PCSK6: variants seen among roughly 807,000 people sequenced by gnomAD.
The protein encoded by PCSK6 is proprotein convertase subtilisin/kexin type 6.
In PCSK6, 85 loss-of-function variants were observed where a neutral mutation model predicts 123.3. The observed-to-expected ratio is 0.69, with a 90% confidence interval of 0.58 to 0.83. PCSK6 has a LOEUF of 0.83. Among genes scored for constraint, PCSK6 ranks in the 40% least tolerant of loss-of-function variants. PCSK6 has a pLI of 0.00. For synonymous variants in PCSK6, 508 were observed against 516.0 expected (o/e 0.98, Z 0.21); for missense variants, 1,191 against 1,282.3 (o/e 0.93, Z 1.09).
At chr15:101,373,250 T>C (rs1596251011) in intron 11 of PCSK6, among the ~76,000 whole-genome samples, 1 of 152,050 alleles carries the variant, frequency 6.6e-6, no homozygotes, top group African/African-American at 2.4e-5. Context: ...ACCCAGCTCC[T>C]GCAGGAGTTA....
chr15:101,322,675 AG>A, intron 17 of PCSK6, 68 bp from the exon 18 acceptor site: 1 of 1,002,202 alleles, frequency 1.0e-6, no homozygotes, highest in Non-Finnish European at 1.6e-6. Context: ...CTGGGCAAGC[AG>A]GCCCCCGGCA....
intron 11 of PCSK6, among the ~76,000 whole-genome samples, chr15:101,381,493 TA>T (rs1220850031): frequency 1.3e-5 from 2 of 152,100 alleles, no homozygotes; most frequent in Non-Finnish European, 2.9e-5. Context: ...CGAGCCTTGT[TA>T]AAAAAATCCC....
chr15:101,384,285 G>A (rs745991370), intron 10 of PCSK6, 37 bp downstream of exon 10: 4 of 1,606,364 alleles, frequency 2.5e-6, no homozygotes, highest in Non-Finnish European at 3.4e-6. Context: ...CACATTCCAG[G>A]GCCACCCAAT....
intron 13 of PCSK6, among the ~76,000 whole-genome samples, chr15:101,333,408 A>G (rs2040410591): frequency 6.6e-6 from 1 of 152,314 alleles, no homozygotes; most frequent in Non-Finnish European, 1.5e-5. Context: ...CTGCGACCCA[A>G]GCTGGGGACA....
At chr15:101,437,254 G>A (rs1289211132) in intron 2 of PCSK6, among the ~76,000 whole-genome samples, 2 of 152,200 alleles carry the variant, frequency 1.3e-5, no homozygotes, top group Admixed American at 1.3e-4. Flanking sequence ...GGGCCATCGT[G>A]ACAAGTGAGA....
intron 13 of PCSK6, among the ~76,000 whole-genome samples, chr15:101,339,179 T>C (rs2040546694): frequency 6.6e-6 from 1 of 152,222 alleles, no homozygotes; most frequent in African/African-American, 2.4e-5. Context: ...TCTATTAGAT[T>C]AAGGACTCTG....
At chr15:101,342,712 G>T (rs1024033061) in intron 13 of PCSK6, among the ~76,000 whole-genome samples, 4 of 152,200 alleles carry the variant, frequency 2.6e-5, no homozygotes, top group Non-Finnish European at 4.4e-5. Flanking sequence ...GACCAGCCTG[G>T]CCAACATGGC....
intron 17 of PCSK6, among the ~76,000 whole-genome samples, chr15:101,324,085 T>G (rs961756290): frequency 1.3e-5 from 2 of 152,220 alleles, no homozygotes; most frequent in Non-Finnish European, 2.9e-5. Context: ...ACACCTGGCC[T>G]TGCGGCTCTG....
intron 15 of PCSK6, among the ~76,000 whole-genome samples, chr15:101,329,848 A>G (rs2040336964): frequency 6.6e-6 from 1 of 151,992 alleles, no homozygotes; most frequent in Non-Finnish European, 1.5e-5. Flanking sequence ...TCTTGCAGGA[A>G]CCCAAGCTCT....
chr15:101,385,981 G>A (rs192140004), intron 9 of PCSK6, among the ~76,000 whole-genome samples: 10 of 151,968 alleles, frequency 6.6e-5, no homozygotes, highest in African/African-American at 2.2e-4. Context: ...AACATCTCTC[G>A]AGTCCAAGAC....
intron 21 of PCSK6, among the ~76,000 whole-genome samples, chr15:101,306,277 A>G (rs1443474014): frequency 6.6e-6 from 1 of 152,048 alleles, no homozygotes; most frequent in Non-Finnish European, 1.5e-5. Flanking sequence ...TAGATACATA[A>G]CCTGGGCAGG....
At chr15:101,467,418 C>T (rs1164272009) in intron 1 of PCSK6, among the ~76,000 whole-genome samples, 1 of 151,596 alleles carries the variant, frequency 6.6e-6, no homozygotes, top group African/African-American at 2.4e-5. Context: ...ACTACGAGTG[C>T]CCACCACCAC....
At chr15:101,429,590 G>A (rs1030340075) in intron 5 of PCSK6, among the ~76,000 whole-genome samples, 8 of 152,164 alleles carry the variant, frequency 5.3e-5, no homozygotes, top group African/African-American at 1.9e-4. Flanking sequence ...CATTCCTAAG[G>A]TCACAGAGTC....
At chr15:101,365,022 T>G in intron 13 of PCSK6, 1 of 777,432 alleles carries the variant, frequency 1.3e-6, no homozygotes, top group Non-Finnish European at 2.4e-6. Context: ...TCAGTTGATT[T>G]GCAACAGGAG....
At chr15:101,323,594 G>A (rs1244417693) in intron 17 of PCSK6, among the ~76,000 whole-genome samples, 3 of 152,130 alleles carry the variant, frequency 2.0e-5, no homozygotes, top group South Asian at 2.1e-4. Flanking sequence ...TTAGCCGGGC[G>A]TGATGGCGCA....
chr15:101,479,967 T>C (rs888308178), intron 1 of PCSK6, among the ~76,000 whole-genome samples: 1 of 152,196 alleles, frequency 6.6e-6, no homozygotes, highest in African/African-American at 2.4e-5. Context: ...GCAGTGGTCA[T>C]CTCAAGGTGA....
chr15:101,318,264 G>A (rs2040037321), intron 19 of PCSK6, 55 bp downstream of exon 19: 1 of 1,302,794 alleles, frequency 7.7e-7, no homozygotes, highest in African/African-American at 1.5e-5. Context: ...GTTCAAGGCA[G>A]CTAGCCTACG....
Position 101,398,800 on chromosome 15 carries a change from A to C in PCSK6, c.824-224T>G, listed in dbSNP as rs900848632. On this transcript the variant is annotated intron_variant, in intron 6 of 21. Coordinates refer to ENST00000611716, the MANE Select transcript of PCSK6 (RefSeq NM_002570.5). This position sits in a 1 kb window ranked among gnomAD's most constrained non-coding sequence, Gnocchi z 4.6. ...AGAAAGCAAGCTACGTCCCAAAGAGAGGGTTCAGCTTCCCTCAGTGCTATG... is the reference window on the plus strand; with the variant it reads ...AGAAAGCAAGCTACGTCCCAAAGAGCGGGTTCAGCTTCCCTCAGTGCTATG... Among the ~76,000 whole-genome samples, 2 of 152,172 alleles carry C rather than the reference A, an allele frequency of 1.3e-5. No homozygotes were observed. The highest frequency in any genetic ancestry group is 2.9e-5 in the Non-Finnish European group (2 of 68,036).
intron 6 of PCSK6, among the ~76,000 whole-genome samples, chr15:101,401,497 G>A (rs1014169315): frequency 3.3e-5 from 5 of 152,162 alleles, no homozygotes; most frequent in African/African-American, 1.2e-4. Flanking sequence ...CTCCCAAGGG[G>A]AGGTCCACAG....
Sources: gnomAD v4.1 joint callset for allele counts (sites outside exome capture counted in the v4.1 genomes callset) on GRCh38, gnomAD v4.1.1 for gene constraint, Gnocchi (gnomAD v3.1) non-coding constraint, MANE v1.5 for transcripts, NCBI Gene and HGNC (gene_info 2026-07-23, HGNC 2026-07-21) for gene names.